The following PCDHGB3 variants were observed in gnomAD, a reference collection of about 807,000 sequenced individuals.
The protein encoded by PCDHGB3 is protocadherin gamma subfamily B, 3, also known as protocadherin gamma-B3.
Under a neutral mutation model 59.2 loss-of-function variants are expected in PCDHGB3, and 40 were observed. The ratio of observed to expected loss-of-function variants is 0.68; its 90% CI spans 0.52 to 0.88. The LOEUF is 0.88. PCDHGB3 is among the 40% of genes least tolerant of loss of function. PCDHGB3 has a pLI of 0.00. For synonymous variants in PCDHGB3, 581 were observed against 503.6 expected, an observed-to-expected ratio of 1.15 and a Z score of -2.06; for missense variants, 1,309 against 1,187.9, an observed-to-expected ratio of 1.10 and a Z score of -1.50.
chr5:141,428,679 TGGATGA>T (rs1231732563), intron 1 of PCDHGB3: 1 of 163,254 alleles, frequency 6.1e-6, no homozygotes, highest in Non-Finnish European at 1.3e-5. Flanking sequence ...CATTTACAAA[TGGATGA>T]GGTTTAATTT....
chr5:141,372,235 C>T lies in PCDHGB3; in HGVS notation c.1841C>T (p.Pro614Leu). The T allele has an allele frequency of 6.2e-7, 1 of 1,613,342 alleles. No homozygotes were observed. The highest frequency in any genetic ancestry group is 1.7e-5 in the Admixed American group (1 of 60,020). The change falls in exon 1 of 4, where the codon CCC becomes CTC. Residue 614 changes from proline (P) to leucine (L), a missense_variant. Physicochemically the swap from Pro to Leu is moderately conservative, Grantham distance 98 (BLOSUM62 -3). Coordinates refer to ENST00000576222, the MANE Select transcript of PCDHGB3 (RefSeq NM_018924.5). ...LSYHIVQASE[P>L]GLFSLGLRTG... ...TACCACATTGTGCAGGCCAGCGAGC[C>T]CGGGCTGTTCAGCCTGGGCCTGCGC... is the stretch of plus-strand genomic sequence containing the variant.
chr5:141,395,157 C>T (rs1217678334), intron 1 of PCDHGB3: 4 of 1,614,174 alleles, frequency 2.5e-6, no homozygotes, highest in Admixed American at 1.7e-5. Context: ...GCTCATCAGT[C>T]AGGAGGGCTG....
chr5:141,433,234 C>T (rs773942024), intron 1 of PCDHGB3: 3 of 1,512,746 alleles, frequency 2.0e-6, no homozygotes, highest in Middle Eastern at 1.8e-4. Flanking sequence ...TGCTCTGTCT[C>T]CCAAGCTGGA....
At chr5:141,428,098 A>G in intron 1 of PCDHGB3, 1 of 1,608,664 alleles carries the variant, frequency 6.2e-7, no homozygotes, top group Non-Finnish European at 8.5e-7. Flanking sequence ...CTGTCCTACC[A>G]CGTGCTGCAG....
At chr5:141,419,668 G>A (rs752237614) in intron 1 of PCDHGB3, 1 of 1,612,892 alleles carries the variant, frequency 6.2e-7, no homozygotes, top group East Asian at 2.2e-5. Context: ...ACAATGCCTG[G>A]CTGTCCTACC....
At chr5:141,413,922 A>G (rs769177990) in intron 1 of PCDHGB3, 2 of 1,613,458 alleles carry the variant, frequency 1.2e-6, no homozygotes, top group Non-Finnish European at 1.7e-6. Context: ...TCACCTTGCC[A>G]GAATACCGAG....
Position 141,384,146 on chromosome 5 carries a change from C to G in PCDHGB3, c.2415+11337C>G, listed in dbSNP as rs369384722. 2.5e-6 allele frequency: 4 copies of G among 1,613,166 alleles called. No homozygotes were observed. The East Asian group carries it at 6.7e-5, about 27-fold the overall frequency. Reference sequence around the variant, plus strand: ...AAAAACTTGGACCGGGAAACACTCTCTTTGTATAACATCACACTGAAAGCC... The same window carrying G: ...AAAAACTTGGACCGGGAAACACTCTGTTTGTATAACATCACACTGAAAGCC... On this transcript the variant is annotated intron_variant, in intron 1 of 3. Transcript: ENST00000576222.
At chr5:141,440,579 C>G (rs1004258822) in intron 1 of PCDHGB3, 12 of 152,188 alleles carry the variant, frequency 7.9e-5, no homozygotes, top group African/African-American at 2.7e-4. Flanking sequence ...TGAGTTTACC[C>G]AGCTGGAACA....
In PCDHGB3 at chr5:141,370,437, CG is replaced by C. The variant is rs1561546503; in HGVS notation, c.44del (p.Arg15GlnfsTer11). 6 of 1,603,792 alleles carry C rather than the reference CG, an allele frequency of 3.7e-6. No individual in the cohort carries two copies. Among genetic ancestry groups the C allele is most frequent in the Non-Finnish European group, 5.1e-6 (6 of 1,174,862 alleles). On this transcript the variant is annotated frameshift_variant, in exon 1 of 4. Transcript: ENST00000576222. LOFTEE classifies it high-confidence loss of function. ...SGWRGPAGQRRMLFLFLLSLL... is the reference protein window; with the variant it reads ...SGWRGPAGQRXMLFLFLLSLL... ...ATGGAGGGGCCCAGCAGGGCAGAGG[CG>C]AATGCTATTTCTCTTCCTGCTCTCT...
rs2099610288 is a variant in PCDHGB3, at chr5:141,485,252, G to A, written c.2416-9555G>A. ...GTTCCTCTTTTACCACCTGGGTTAC[G>A]TTTGTGGGCAGATCCGCTACCCGGT... On this transcript the variant is annotated intron_variant, in intron 1 of 3. Coordinates refer to ENST00000576222, the MANE Select transcript of PCDHGB3 (RefSeq NM_018924.5). This position sits in a 1 kb window ranked among gnomAD's most constrained non-coding sequence, Gnocchi z 5.7. 6.2e-7 allele frequency: 1 copy of A among 1,614,042 alleles called. No individual in the cohort carries two copies. The highest frequency in any genetic ancestry group is 1.7e-5 in the Admixed American group (1 of 60,008).
chr5:141,404,917 G>A (rs750464541), intron 1 of PCDHGB3: 37 of 1,613,652 alleles, frequency 2.3e-5, no homozygotes, highest in Middle Eastern at 3.3e-4. Flanking sequence ...CCCCTCTCTC[G>A]GCCACTGTCA....
At chr5:141,397,304 A>G (rs1206880219) in intron 1 of PCDHGB3, among the ~76,000 whole-genome samples, 2 of 152,202 alleles carry the variant, frequency 1.3e-5, no homozygotes, top group Non-Finnish European at 2.9e-5. Context: ...TATTTCCTGA[A>G]GTAGAAGAGT....
rs1239481973 is a variant in PCDHGB3 at position 141,491,585 on chromosome 5, C to G, written c.2416-3222C>G. On this transcript the variant is annotated intron_variant, in intron 1 of 3. Coordinates refer to ENST00000576222, the MANE Select transcript of PCDHGB3 (RefSeq NM_018924.5). The surrounding 1 kb of genome is among the most constrained non-coding windows in gnomAD (Gnocchi z 6.9). ...TACAGGACGTGCTTTTCACCGGCCT[C>G]GGACGGCAGTGACTTCACTTTTCTA... 6.2e-7 allele frequency: 1 copy of G among 1,613,964 alleles called. No individual in the cohort carries two copies.
intron 1 of PCDHGB3, chr5:141,419,566 C>G: frequency 3.1e-6 from 5 of 1,611,792 alleles, no homozygotes; most frequent in Non-Finnish European, 2.5e-6. Context: ...CGCTGGGTCC[C>G]GACGGCTCCG....
intron 1 of PCDHGB3, among the ~76,000 whole-genome samples, chr5:141,453,517 C>A (rs1001603927): frequency 1.3e-5 from 2 of 152,062 alleles, no homozygotes; most frequent in African/African-American, 4.8e-5. Flanking sequence ...TCATTCCTCC[C>A]CTATACCTTC....
At chr5:141,379,660 C>T (rs922191885) in intron 1 of PCDHGB3, 1 of 152,100 alleles carries the variant, frequency 6.6e-6, no homozygotes, top group African/African-American at 2.4e-5. Flanking sequence ...CTTCTACTCT[C>T]ACAAAAGTCA....
At chr5:141,395,111 T>G in intron 1 of PCDHGB3, 1 of 1,613,670 alleles carries the variant, frequency 6.2e-7, no homozygotes, top group Middle Eastern at 1.7e-4. Flanking sequence ...CGCGGAAGAG[T>G]CACCTGATCT....
chr5:141,433,849 A>C (rs116534867), intron 1 of PCDHGB3, among the ~76,000 whole-genome samples: 2,948 of 152,020 alleles, frequency 0.019, 43 homozygotes, highest in African/African-American at 0.028. Context: ...AAAAAAAAAA[A>C]AAAAAACTTT....
chr5:141,448,044 C>T (rs2098559539), intron 1 of PCDHGB3, among the ~76,000 whole-genome samples: 1 of 151,942 alleles, frequency 6.6e-6, no homozygotes, highest in African/African-American at 2.4e-5. Context: ...CAAGATCATG[C>T]CATTGCTCTC....
Sources: gnomAD v4.1 joint callset for allele counts (sites outside exome capture counted in the v4.1 genomes callset) on GRCh38, gnomAD v4.1.1 for gene constraint, Gnocchi (gnomAD v3.1) non-coding constraint, MANE v1.5 for transcripts, NCBI Gene and HGNC (gene_info 2026-07-23, HGNC 2026-07-21) for gene names.